Variants in SH3YL1 observed in about 807,000 individuals in gnomAD.
SH3YL1 encodes SH3 domain-containing YSC84-like protein 1.
Under a neutral mutation model 45.8 loss-of-function variants are expected in SH3YL1, and 41 were observed. That is an observed-to-expected ratio of 0.89 (90% CI 0.70 to 1.16). SH3YL1 has a LOEUF of 1.16. Ranked by LOEUF, SH3YL1 falls within the 50% of genes most tolerant of loss-of-function variation. The probability of loss-of-function intolerance (pLI) is 0.00; values close to 1 mark genes in which losing one functional copy is unlikely to be tolerated. For missense variants in SH3YL1, 389 were observed against 409.6 expected, an observed-to-expected ratio of 0.95 and a Z score of 0.43; for synonymous variants, 152 against 151.4, an observed-to-expected ratio of 1.00 and a Z score of -0.03.
intron 4 of SH3YL1, among the ~76,000 whole-genome samples, chr2:242,396 A>C (rs1367200939): frequency 2.0e-5 from 3 of 152,052 alleles, no homozygotes; most frequent in Non-Finnish European, 4.4e-5. Flanking sequence ...GAGAAAAAAA[A>C]CTAGAACCAT....
intron 4 of SH3YL1, among the ~76,000 whole-genome samples, chr2:239,148 T>C (rs867663152): frequency 6.6e-6 from 1 of 152,182 alleles, no homozygotes; most frequent in African/African-American, 2.4e-5. Flanking sequence ...CAACTAGACC[T>C]TGTTAGTTAA....
At chr2:238,705 A>G (rs1468702760) in intron 4 of SH3YL1, among the ~76,000 whole-genome samples, 1 of 152,132 alleles carries the variant, frequency 6.6e-6, no homozygotes, top group Non-Finnish European at 1.5e-5. Flanking sequence ...CCAAAAAGAA[A>G]CCGTTAGTGG....
chr2:263,620 A>C, intron 1 of SH3YL1: 1 of 225,566 alleles, frequency 4.4e-6, no homozygotes, highest in Non-Finnish European at 8.7e-6. Flanking sequence ...TTCCACGCAC[A>C]TTCCAAGCGC....
At chr2:255,795 A>C (rs879401481) in intron 1 of SH3YL1, 1 of 152,218 alleles carries the variant, frequency 6.6e-6, no homozygotes, top group Admixed American at 6.5e-5. Context: ...TTCCACAGAT[A>C]CTTTATGCAA....
At chr2:243,490 A>G in intron 4 of SH3YL1, 1 of 1,515,612 alleles carries the variant, frequency 6.6e-7, no homozygotes, top group East Asian at 2.5e-5. Flanking sequence ...AGGAAAATGA[A>G]GACACAACAT....
chr2:244,845 C>A (rs1668721062), intron 4 of SH3YL1: 1 of 152,332 alleles, frequency 6.6e-6, no homozygotes, highest in South Asian at 2.1e-4. Flanking sequence ...ATGGTAGGGG[C>A]AAGTTCCCAG....
intron 9 of SH3YL1, among the ~76,000 whole-genome samples, chr2:221,480 C>T (rs1361888544): frequency 6.6e-6 from 1 of 152,096 alleles, no homozygotes; most frequent in Non-Finnish European, 1.5e-5. Flanking sequence ...TGGTCCCTGC[C>T]CTCACAATCA....
intron 4 of SH3YL1, chr2:244,477 C>T (rs1668696026): frequency 6.8e-6 from 1 of 146,990 alleles, no homozygotes; most frequent in Non-Finnish European, 1.5e-5. Flanking sequence ...GCCTGGGCGA[C>T]AGAGCAAGAC....
chr2:240,371 G>A (rs1668489960), intron 4 of SH3YL1: 1 of 152,340 alleles, frequency 6.6e-6, no homozygotes, highest in South Asian at 2.1e-4. Flanking sequence ...TGCAAGAGCA[G>A]AGAGCTCCAA....
At chr2:252,487 CAG>C (rs1486117010) in intron 2 of SH3YL1, among the ~76,000 whole-genome samples, 2 of 152,082 alleles carry the variant, frequency 1.3e-5, no homozygotes, top group Non-Finnish European at 2.9e-5. Context: ...AAGGGAGAGA[CAG>C]GGAGGGAAGA....
chr2:229,707 C>T (rs1227695730), intron 8 of SH3YL1, among the ~76,000 whole-genome samples: 5 of 119,270 alleles, frequency 4.2e-5, no homozygotes, highest in South Asian at 2.6e-4. Flanking sequence ...CCAGCCTGGG[C>T]GACAGAGCGA....
chr2:232,892 A>G (rs1032096299), intron 6 of SH3YL1: 1 of 337,184 alleles, frequency 3.0e-6, no homozygotes, highest in Admixed American at 4.7e-5. Flanking sequence ...TTTTAAAGGG[A>G]TCGAGTTTTT....
At chr2:234,713 G>A (rs552311209) in intron 4 of SH3YL1, among the ~76,000 whole-genome samples, 1 of 152,186 alleles carries the variant, frequency 6.6e-6, no homozygotes, top group African/African-American at 2.4e-5. Flanking sequence ...CAGGGACGAT[G>A]GTGCTGAAGG....
intron 4 of SH3YL1, chr2:242,799 A>G: frequency 6.5e-7 from 1 of 1,537,542 alleles, no homozygotes. Context: ...CAAAGTTACC[A>G]TTAGATTGAC....
chr2:250,252 A>G (rs1669019908), intron 2 of SH3YL1, among the ~76,000 whole-genome samples: 1 of 152,240 alleles, frequency 6.6e-6, no homozygotes, highest in South Asian at 2.1e-4. Context: ...GAAACTTTAA[A>G]AATTACAAAA....
chr2:224,760 C>G (rs1274893676), intron 9 of SH3YL1, 104 bp downstream of exon 9: 4 of 845,228 alleles, frequency 4.7e-6, no homozygotes, highest in Admixed American at 2.0e-5. Context: ...AATTAAAGGG[C>G]TGAACACTTC....
At chr2:258,181 T>G (rs1669437068) in intron 1 of SH3YL1, among the ~76,000 whole-genome samples, 1 of 152,244 alleles carries the variant, frequency 6.6e-6, no homozygotes, top group African/African-American at 2.4e-5. Context: ...TGTTTTCTAA[T>G]TCTGTGAAGA....
rs1187940560 is a variant in SH3YL1, at chr2:218,271, T to G, written c.*540A>C. On this transcript the variant is annotated 3_prime_UTR_variant, in exon 10 of 10. Coordinates refer to ENST00000356150, the MANE Select transcript of SH3YL1 (RefSeq NM_015677.4). The stretch of plus-strand genomic sequence containing the variant: ...AGAAAAGTTGAGAGATGCCATATGT[T>G]TAAAGACATGGTAGTCAGACTTCTT... 6.6e-6 allele frequency: 1 copy of G among 152,218 alleles called. No individual in the cohort carries two copies. The highest frequency in any genetic ancestry group is 1.9e-4 in the East Asian group (1 of 5,204). 9.4% of individuals were successfully genotyped at this position (152,218 alleles called of 1,614,324 possible).
Position 230,990 on chromosome 2 carries a change from G to T in SH3YL1, c.702+33C>A, listed in dbSNP as rs370193158. 5.6e-6 allele frequency: 9 copies of T among 1,606,628 alleles called. No individual in the cohort carries two copies. In the African/African-American group the frequency reaches 9.4e-5, roughly 17 times the overall value. ...TGTTCTACAGAAAGAGATTTTCTGA[G>T]AATACTGAGTGAAACATAAAACCAA... On this transcript the variant is annotated intron_variant, in intron 7 of 9. Transcript: ENST00000356150.
Sources: gnomAD v4.1 joint callset for allele counts (sites outside exome capture counted in the v4.1 genomes callset) on GRCh38, gnomAD v4.1.1 for gene constraint, MANE v1.5 for transcripts, NCBI Gene and HGNC (gene_info 2026-07-23, HGNC 2026-07-21) for gene names.